The following FAT2 variants were observed in gnomAD, a reference collection of about 807,000 sequenced individuals.
The protein encoded by FAT2 is FAT atypical cadherin 2, also known as protocadherin Fat 2.
In FAT2, 150 loss-of-function variants were observed where a neutral mutation model predicts 295.3. The observed-to-expected ratio is 0.51, with a 90% CI of 0.44 to 0.58. FAT2 has a LOEUF of 0.58. Among genes scored for constraint, FAT2 ranks in the 20% least tolerant of loss-of-function variants. The pLI, the probability that FAT2 is intolerant of heterozygous loss-of-function variation, is 0.00. For synonymous variants in FAT2, 2,026 were observed against 2,150.3 expected, an observed-to-expected ratio of 0.94 and a Z score of 1.60; for missense variants, 4,868 against 5,442.7, an observed-to-expected ratio of 0.89 and a Z score of 3.32.
Position 151,510,152 on chromosome 5 carries a change from T to TG in FAT2, c.11927dup (p.Gln3977ThrfsTer8). 6.2e-7 allele frequency: 1 copy of TG among 1,613,930 alleles called. No homozygotes were observed. Among genetic ancestry groups the TG allele is most frequent in the Non-Finnish European group, 8.5e-7 (1 of 1,179,968 alleles). On this transcript the variant is annotated frameshift_variant, in exon 22 of 24. Coordinates refer to ENST00000261800, the MANE Select transcript of FAT2 (RefSeq NM_001447.3). LOFTEE classifies it high-confidence loss of function. ...GTTCACAGTGCTTCCCAGAGAACTGTGGGGGACATTTGCAGACATAGCCTA... is the reference window on the plus strand; with the variant it reads ...GTTCACAGTGCTTCCCAGAGAACTGTGGGGGGACATTTGCAGACATAGCCTA...
At chr5:151,587,671 C>A (rs2127664853) in intron 1 of FAT2, among the ~76,000 whole-genome samples, 1 of 152,282 alleles carries the variant, frequency 6.6e-6, no homozygotes, top group East Asian at 1.9e-4. Context: ...TTAAACCACC[C>A]ATTTATGGGT....
chr5:151,514,725 C>T (rs1752669615), intron 20 of FAT2, among the ~76,000 whole-genome samples: 2 of 152,176 alleles, frequency 1.3e-5, no homozygotes, highest in African/African-American at 2.4e-5. Context: ...GATCATCTCA[C>T]ATCCTACTGA....
At position 151,540,902 on chromosome 5, in the gene FAT2, G is replaced by A. The variant is rs28500676; in HGVS notation, c.8843-139C>T. 1,668 of 661,546 alleles carry A rather than the reference G, an allele frequency of 2.5e-3. 28 individuals are homozygous for A. The African/African-American group carries it at 0.027, about 11-fold the overall frequency. The allele number at this position is 661,546 out of a possible 1,614,324, so 41.0% of individuals were successfully genotyped here. ...TTTCCTTCCTTAACTAGGAACCCAC[G>A]ATTCTACACTGAGTCCACTTTTTGG... On this transcript the variant is annotated intron_variant, in intron 10 of 23. Transcript: ENST00000261800.
Position 151,521,318 on chromosome 5 carries a change from G to C in FAT2, c.11275C>G (p.Leu3759Val). 6.2e-7 allele frequency: 1 copy of C among 1,613,190 alleles called. No individual in the cohort carries two copies. The highest frequency in any genetic ancestry group is 8.5e-7 in the Non-Finnish European group (1 of 1,179,234). The change falls in exon 19 of 24, where the codon CTA becomes GTA. Residue 3759 changes from leucine (L) to valine (V), a missense_variant. Transcript: ENST00000261800. ...CTCTGCAGGTGGTGCCGCGGGGTTA[G>C]GATGCTGAGCCTGGCGGTGCTGTAC... ...PTYSTARLSI[L>V]TPRHHLQRSC...
intron 1 of FAT2, among the ~76,000 whole-genome samples, chr5:151,581,389 A>G (rs1025750983): frequency 1.3e-5 from 2 of 152,166 alleles, no homozygotes; most frequent in African/African-American, 4.8e-5. Flanking sequence ...CAGGGGGCCC[A>G]GGGAGAGAGC....
chr5:151,519,204 C>T (rs1234701448), intron 19 of FAT2, among the ~76,000 whole-genome samples: 1 of 152,170 alleles, frequency 6.6e-6, no homozygotes, highest in Non-Finnish European at 1.5e-5. Flanking sequence ...ATTACCTGGG[C>T]ATGGTGGCAC....
intron 2 of FAT2, among the ~76,000 whole-genome samples, chr5:151,564,771 T>C (rs1203168850): frequency 4.6e-5 from 7 of 152,204 alleles, no homozygotes; most frequent in Non-Finnish European, 1.0e-4. Context: ...ACCTAGAAAC[T>C]TCATTTTTAA....
intron 20 of FAT2, among the ~76,000 whole-genome samples, chr5:151,515,903 C>G (rs865886173): frequency 6.6e-6 from 1 of 152,294 alleles, no homozygotes; most frequent in African/African-American, 2.4e-5. Flanking sequence ...CTCCATTTTG[C>G]TCAGAATAAA....
chr5:151,540,215 T>C (rs1037481926), intron 11 of FAT2, among the ~76,000 whole-genome samples: 22 of 152,256 alleles, frequency 1.4e-4, no homozygotes, highest in African/African-American at 5.3e-4. Context: ...GCTTGGTATA[T>C]CCCTATGGGG....
chr5:151,521,659 C>T lies in FAT2; in HGVS notation c.10934G>A (p.Ser3645Asn), dbSNP rs947924666. 1.2e-6 allele frequency: 2 copies of T among 1,614,108 alleles called. No homozygotes were observed. The highest frequency in any genetic ancestry group is 8.5e-7 in the Non-Finnish European group (1 of 1,180,046). ...FYQLTPEELV[S>N]DHWRNLQRFL... ...CCTCTGCAGGTTCCGCCAGTGGTCA[C>T]TCACCAGCTCCTCGGGGGTGAGCTG... Residue 3645 changes from serine to asparagine, a missense_variant, in exon 19 of 24, where the codon AGT (serine) becomes AAT (asparagine). Transcript: ENST00000261800.
chr5:151,505,176 T>G lies in FAT2; in HGVS notation c.*389A>C, dbSNP rs999182458. The G allele has an allele frequency of 3.4e-6, 1 of 294,246 alleles. No individual in the cohort carries two copies. The highest frequency in any genetic ancestry group is 2.3e-5 in the African/African-American group (1 of 44,274). 18.2% of individuals were successfully genotyped at this position (294,246 alleles called of 1,614,324 possible). A position where few individuals can be genotyped will look rare whatever the true frequency, so the allele number is the denominator to read the frequency against. On this transcript the variant is annotated 3_prime_UTR_variant, in exon 24 of 24. Coordinates refer to ENST00000261800, the MANE Select transcript of FAT2 (RefSeq NM_001447.3). The stretch of plus-strand genomic sequence containing the variant: ...CCTGCCTGCCTCCAAAATGGAGCTG[T>G]GGGCAGGTATGAGAATGCATCTTGG...
chr5:151,512,070 C>A lies in FAT2; in HGVS notation c.11905+95G>T. 1.7e-6 allele frequency: 2 copies of A among 1,203,154 alleles called. No homozygotes were observed. Among genetic ancestry groups the A allele is most frequent in the Non-Finnish European group, 2.3e-6 (2 of 860,094 alleles). 74.5% of individuals were successfully genotyped at this position (1,203,154 alleles called of 1,614,324 possible). ...AGGGGAAGAGAGAGAAATTTGGAAC[C>A]AGGAGGCTCTGAGATCTCCACCCTG... On this transcript the variant is annotated intron_variant, in intron 21 of 23. Transcript: ENST00000261800. This position sits in a 1 kb window ranked among gnomAD's most constrained non-coding sequence, Gnocchi z 4.1.
rs36092108 is a variant in FAT2 at position 151,525,924 on chromosome 5, C to T, written c.10350G>A (p.Leu3450=). ...PIGSKVLQLI[L]SDPDSPENGP... The stretch of plus-strand genomic sequence containing the variant: ...CATTCTCTGGAGAATCTGGGTCACT[C>T]AGGATCAGCTGCAGGACTTTGCTGC... Residue 3450 remains leucine, a synonymous_variant, in exon 18 of 24, where the codon CTG becomes CTA. Transcript: ENST00000261800. The T allele has an allele frequency of 0.065, 105,286 of 1,614,114 alleles. 5,765 individuals are homozygous for T. The highest frequency in any genetic ancestry group is 0.23 in the South Asian group (20,765 of 91,068).
In FAT2 at chr5:151,568,053, A is replaced by G. The variant is rs1758362048; in HGVS notation, c.879T>C (p.Gly293=). ...CTTTGAAGTGCTTTCCAGGGTCACC[A>G]CCAACAACTTCCACTGACTCCACTT... is the stretch of plus-strand genomic sequence containing the variant. ...GAEVESVEVV[G]GDPGKHFKAI... Residue 293 remains glycine, a synonymous_variant, in exon 2 of 24, where the codon GGT becomes GGC. Coordinates refer to ENST00000261800, the MANE Select transcript of FAT2 (RefSeq NM_001447.3). 6.2e-7 allele frequency: 1 copy of G among 1,614,196 alleles called. No individual in the cohort carries two copies. Among genetic ancestry groups the G allele is most frequent in the African/African-American group, 1.3e-5 (1 of 75,044 alleles).
At position 151,543,310 on chromosome 5, in the gene FAT2, T is replaced by C. The variant is rs749699110; in HGVS notation, c.7817A>G (p.Gln2606Arg). Residue 2606 changes from glutamine to arginine, a missense_variant, in exon 10 of 24, where the codon CAG becomes CGG. Physicochemically the swap from Gln to Arg is conservative, Grantham distance 43. Transcript: ENST00000261800. ...TTCATCTGCATCATAGGCCAACACC[T>C]GGATAACCGGAGAGTCTTTACTGAC... ...SNVSKDSPVI[Q>R]VLAYDADEGQ... 2 of 1,614,198 alleles carry C rather than the reference T, an allele frequency of 1.2e-6. No homozygotes were observed. Among genetic ancestry groups the C allele is most frequent in the Admixed American group, 3.3e-5 (2 of 60,024 alleles).
In FAT2 at chr5:151,533,685, A is replaced by T. The variant is rs1239145293; in HGVS notation, c.9427+724T>A. Among the ~76,000 whole-genome samples the T allele has an allele frequency of 2.0e-5, 3 of 152,084 alleles. No homozygotes were observed. In the East Asian group the frequency reaches 5.8e-4, roughly 29 times the overall value. On this transcript the variant is annotated intron_variant, in intron 13 of 23. Coordinates refer to ENST00000261800, the MANE Select transcript of FAT2 (RefSeq NM_001447.3). ...ATTTTTTTTACCCTATCTGAATTATAAAATTTGACTCAGGAAAATTGGACA... is the reference window on the plus strand; with the variant it reads ...ATTTTTTTTACCCTATCTGAATTATTAAATTTGACTCAGGAAAATTGGACA...
At position 151,531,169 on chromosome 5, in the gene FAT2, T is replaced by C. The variant is rs1001733035; in HGVS notation, c.9811+418A>G. 1.3e-5 allele frequency among the ~76,000 whole-genome samples: 2 copies of C among 152,050 alleles called. No homozygotes were observed. The stretch of plus-strand genomic sequence containing the variant: ...GGGGTGCCAGGATGTTTGGAGTGGA[T>C]GTGGGGACTCCAGGAGGGAAGCAGG... On this transcript the variant is annotated intron_variant, in intron 14 of 23. Coordinates refer to ENST00000261800, the MANE Select transcript of FAT2 (RefSeq NM_001447.3). The surrounding 1 kb of genome is among the most constrained non-coding windows in gnomAD (Gnocchi z 5.7).
At position 151,517,632 on chromosome 5, in the gene FAT2, G is replaced by A. The variant is rs762024020; in HGVS notation, c.11451C>T (p.Ser3817=). 16 of 1,613,978 alleles carry A rather than the reference G, an allele frequency of 9.9e-6. No individual in the cohort carries two copies. The highest frequency in any genetic ancestry group is 7.7e-5 in the South Asian group (7 of 91,068). The part of the protein sequence containing the change: ...AILLFTNETA[S]VSLKLASGVP... ...GGCAGTGCCTTACCTTCAGGGAGAC[G>A]GACGCTGTTTCATTGGTGAATAGAA... Residue 3817 remains serine, a synonymous_variant, in exon 20 of 24, where the codon TCC becomes TCT. Coordinates refer to ENST00000261800, the MANE Select transcript of FAT2 (RefSeq NM_001447.3).
chr5:151,548,763 G>A (rs1479068922), intron 9 of FAT2, among the ~76,000 whole-genome samples: 1 of 152,138 alleles, frequency 6.6e-6, no homozygotes, highest in African/African-American at 2.4e-5. Context: ...TTACAGGCGT[G>A]AGCCACCGCA....
Sources: allele counts gnomAD v4.1 joint callset (sites outside exome capture counted in the v4.1 genomes callset), GRCh38; gene constraint gnomAD v4.1.1; non-coding constraint Gnocchi (gnomAD v3.1); transcripts MANE v1.5; gene names NCBI Gene and HGNC (gene_info 2026-07-23, HGNC 2026-07-21).